ALK: variants seen among roughly 807,000 people sequenced by gnomAD.
The protein encoded by ALK is ALK receptor tyrosine kinase, also known as ALK tyrosine kinase receptor.
A neutral mutation model predicts 163.1 loss-of-function variants in ALK; 74 were observed. The ratio of observed to expected loss-of-function variants is 0.45; its 90% CI spans 0.38 to 0.55. The LOEUF is 0.55. Among genes scored for constraint, ALK ranks in the 20% least tolerant of loss-of-function variants. The pLI is 0.00. For synonymous variants in ALK, 960 were observed against 843.2 expected (o/e 1.14, Z -2.40); for missense variants, 2,063 against 2,105.3 (o/e 0.98, Z 0.39).
At chr2:29,260,359 C>A (rs1015259161) in intron 11 of ALK, among the ~76,000 whole-genome samples, 1 of 152,124 alleles carries the variant, frequency 6.6e-6, no homozygotes, top group Non-Finnish European at 1.5e-5. Flanking sequence ...TTTCTGTAGG[C>A]GTGTTATTCC....
chr2:29,909,468 GAGAC>G (rs1182660625), intron 1 of ALK, among the ~76,000 whole-genome samples: 4 of 138,104 alleles, frequency 2.9e-5, no homozygotes, highest in African/African-American at 8.6e-5. Flanking sequence ...CACACAGAGA[GAGAC>G]AGACAGACAG....
At chr2:29,877,439 T>A (rs1345468148) in intron 1 of ALK, among the ~76,000 whole-genome samples, 1 of 152,206 alleles carries the variant, frequency 6.6e-6, no homozygotes, top group Non-Finnish European at 1.5e-5. Flanking sequence ...CTTACCAGCA[T>A]GTATTTTTTG....
chr2:29,266,839 A>G (rs1255217544), intron 11 of ALK, among the ~76,000 whole-genome samples: 1 of 152,188 alleles, frequency 6.6e-6, no homozygotes, highest in African/African-American at 2.4e-5. Flanking sequence ...TGCCCATCAG[A>G]ATCCCCACTG....
chr2:29,628,068 T>G (rs1279517093), intron 3 of ALK, among the ~76,000 whole-genome samples: 1 of 152,214 alleles, frequency 6.6e-6, no homozygotes, highest in African/African-American at 2.4e-5. Flanking sequence ...CAGTAAAGAC[T>G]GATCTTACTT....
chr2:29,626,757 G>A (rs1676205862), intron 3 of ALK, among the ~76,000 whole-genome samples: 1 of 152,170 alleles, frequency 6.6e-6, no homozygotes, highest in Non-Finnish European at 1.5e-5. Flanking sequence ...CCAGCTTCTA[G>A]AACTGTGAGA....
intron 3 of ALK, among the ~76,000 whole-genome samples, chr2:29,564,515 C>T (rs1225866534): frequency 6.6e-6 from 1 of 152,122 alleles, no homozygotes; most frequent in Non-Finnish European, 1.5e-5. Flanking sequence ...ACGCCATCTC[C>T]TAGAAGATTT....
At chr2:29,688,034 A>G (rs2148284096) in intron 3 of ALK, among the ~76,000 whole-genome samples, 1 of 152,360 alleles carries the variant, frequency 6.6e-6, no homozygotes, top group South Asian at 2.1e-4. Flanking sequence ...CTATAAAGAT[A>G]TATCTCGACT....
chr2:29,675,396 CAAGTG>C (rs898228280), intron 3 of ALK, among the ~76,000 whole-genome samples: 9 of 151,938 alleles, frequency 5.9e-5, no homozygotes, highest in Non-Finnish European at 1.3e-4. Flanking sequence ...TATTGAAAAT[CAAGTG>C]AAGGAAAGAG....
intron 11 of ALK, among the ~76,000 whole-genome samples, chr2:29,268,376 G>A (rs1343662439): frequency 6.6e-6 from 1 of 152,198 alleles, no homozygotes; most frequent in African/African-American, 2.4e-5. Context: ...CACCTGTCCT[G>A]GTTCTAGAGG....
intron 4 of ALK, among the ~76,000 whole-genome samples, chr2:29,469,307 A>G (rs975960239): frequency 6.6e-5 from 10 of 152,176 alleles, no homozygotes; most frequent in African/African-American, 2.2e-4. Context: ...CTTGTGCCAA[A>G]TTGCCTTCTC....
chr2:29,214,877 C>T lies in ALK; in HGVS notation c.3646-796G>A, dbSNP rs572928190. Among the ~76,000 whole-genome samples the T allele has an allele frequency of 3.2e-4, 48 of 152,322 alleles. No individual in the cohort carries two copies. The South Asian group carries it at 7.3e-3, about 23-fold the overall frequency. The stretch of plus-strand genomic sequence containing the variant: ...TTGATTTCACCATTTCCCCAAGTCA[C>T]GGTGATGAAGTTCCAGAGACAGGGA... On this transcript the variant is annotated intron_variant, in intron 23 of 28. Coordinates refer to ENST00000389048, the MANE Select transcript of ALK (RefSeq NM_004304.5).
chr2:29,655,394 A>G (rs1387602406), intron 3 of ALK, among the ~76,000 whole-genome samples: 3 of 152,218 alleles, frequency 2.0e-5, no homozygotes, highest in African/African-American at 7.2e-5. Flanking sequence ...ATAATACACC[A>G]GTTCTGTATG....
intron 1 of ALK, among the ~76,000 whole-genome samples, chr2:29,881,472 T>C (rs1241826550): frequency 6.6e-6 from 1 of 152,220 alleles, no homozygotes; most frequent in Non-Finnish European, 1.5e-5. Context: ...GGCTTAATTG[T>C]TCTGACTTTG....
chr2:29,661,424 G>A (rs1677342768), intron 3 of ALK, among the ~76,000 whole-genome samples: 1 of 152,160 alleles, frequency 6.6e-6, no homozygotes, highest in South Asian at 2.1e-4. Context: ...CTGGCTCATT[G>A]CATTTTCATT....
intron 5 of ALK, among the ~76,000 whole-genome samples, chr2:29,332,145 G>A (rs536146544): frequency 1.3e-5 from 2 of 151,650 alleles, no homozygotes; most frequent in South Asian, 4.2e-4. Flanking sequence ...AATTAGCCGG[G>A]TGTGATGGCA....
intron 3 of ALK, among the ~76,000 whole-genome samples, chr2:29,659,853 T>G (rs1192989212): frequency 3.3e-5 from 5 of 152,180 alleles, no homozygotes; most frequent in Non-Finnish European, 7.4e-5. Context: ...CCTCCTTCTC[T>G]TCTTGTCTGC....
At position 29,440,467 on chromosome 2, in the gene ALK, C is replaced by T. The variant is rs1426881416; in HGVS notation, c.1155-56608G>A. The stretch of plus-strand genomic sequence containing the variant: ...GAGTAGCTGGGATTACAGGCATCTG[C>T]CACCACACCCAGCTAATTTTTGTAT... On this transcript the variant is annotated intron_variant, in intron 4 of 28. Coordinates refer to ENST00000389048, the MANE Select transcript of ALK (RefSeq NM_004304.5). Among the ~76,000 whole-genome samples the T allele has an allele frequency of 2.0e-5, 3 of 152,078 alleles. No homozygotes were observed. The East Asian group carries it at 5.9e-4, about 30-fold the overall frequency.
chr2:29,714,603 C>T (rs1010485964), intron 2 of ALK, among the ~76,000 whole-genome samples: 27 of 152,260 alleles, frequency 1.8e-4, no homozygotes, highest in Admixed American at 5.2e-4. Context: ...CCCACCCTGA[C>T]GACCTCCCAC....
At chr2:29,214,965 C>G (rs1728831) in intron 23 of ALK, among the ~76,000 whole-genome samples, 141,553 of 152,264 alleles carry the variant, frequency 0.93, 66,629 homozygotes, top group Non-Finnish European at 1. Context: ...GTGAGTGTTG[C>G]GTGGCTGATT....
Sources: allele counts gnomAD v4.1 joint callset (sites outside exome capture counted in the v4.1 genomes callset), GRCh38; gene constraint gnomAD v4.1.1; transcripts MANE v1.5; gene names NCBI Gene and HGNC (gene_info 2026-07-23, HGNC 2026-07-21).